PSMA5: variants seen among roughly 807,000 people sequenced by gnomAD.
PSMA5 encodes proteasome subunit alpha type-5.
In PSMA5, 3 loss-of-function variants were observed where a neutral mutation model predicts 34.5. That is an observed-to-expected ratio of 0.09 (90% CI 0.04 to 0.22). PSMA5 has a LOEUF of 0.22. Among genes scored for constraint, PSMA5 ranks in the 10% least tolerant of loss-of-function variants. The pLI is 1.00. For missense variants in PSMA5, 120 were observed against 286.1 expected (o/e 0.42, Z 4.19); for synonymous variants, 88 against 95.8 (o/e 0.92, Z 0.47).
At position 109,401,030 on chromosome 1, in the gene PSMA5, T is replaced by C. The variant is rs1653494465; in HGVS notation, c.*983A>G. On this transcript the variant is annotated 3_prime_UTR_variant, in exon 9 of 9. Coordinates refer to ENST00000271308, the MANE Select transcript of PSMA5 (RefSeq NM_002790.4). ...TGGGCACACAGCATTAGATTCTTCATCTGTTAAGTAGTGATACTGATACCA... is the reference window on the plus strand; with the variant it reads ...TGGGCACACAGCATTAGATTCTTCACCTGTTAAGTAGTGATACTGATACCA... The C allele has an allele frequency of 6.6e-6, 1 of 152,184 alleles. No homozygotes were observed. Among genetic ancestry groups the C allele is most frequent in the Non-Finnish European group, 1.5e-5 (1 of 68,018 alleles). 9.4% of individuals were successfully genotyped at this position (152,184 alleles called of 1,614,324 possible).
At chr1:109,423,535 C>T (rs1054936906) in intron 1 of PSMA5, among the ~76,000 whole-genome samples, 4 of 152,194 alleles carry the variant, frequency 2.6e-5, no homozygotes, top group Non-Finnish European at 5.9e-5. Context: ...TAACACTTAA[C>T]GTTTTCCAGT....
chr1:109,403,359 C>T (rs1653611609), intron 8 of PSMA5, among the ~76,000 whole-genome samples: 1 of 151,954 alleles, frequency 6.6e-6, no homozygotes, highest in Non-Finnish European at 1.5e-5. Context: ...AACAGTAGCT[C>T]ATGCTTGTAA....
At chr1:109,415,468 GC>G in intron 2 of PSMA5, 105 bp from the exon 3 acceptor site, 1 of 1,246,588 alleles carries the variant, frequency 8.0e-7, no homozygotes, top group Non-Finnish European at 1.1e-6. Context: ...ACTTCAACTG[GC>G]CACATCTTAT....
intron 1 of PSMA5, among the ~76,000 whole-genome samples, chr1:109,423,035 T>C (rs1307379641): frequency 1.3e-5 from 2 of 152,248 alleles, no homozygotes; most frequent in Non-Finnish European, 2.9e-5. Context: ...GTCTCAGCTA[T>C]AAAAGCTTTG....
chr1:109,425,613 A>G (rs1428121234), intron 1 of PSMA5: 1 of 152,236 alleles, frequency 6.6e-6, no homozygotes, highest in Non-Finnish European at 1.5e-5. Flanking sequence ...AACTTAACTG[A>G]CGAAAACAGA....
intron 1 of PSMA5, 106 bp from the exon 2 acceptor site, chr1:109,422,032 A>G (rs1461154141): frequency 9.6e-6 from 6 of 627,218 alleles, no homozygotes; most frequent in Admixed American, 4.2e-5. Flanking sequence ...GAATACGCAC[A>G]TTGTCATTAT....
intron 1 of PSMA5, among the ~76,000 whole-genome samples, chr1:109,424,471 T>C (rs975979990): frequency 7.2e-4 from 110 of 151,902 alleles, no homozygotes; most frequent in Non-Finnish European, 2.2e-4. Flanking sequence ...CCACTGTACC[T>C]GTAAACAATT....
chr1:109,417,271 A>C (rs1380632240), intron 2 of PSMA5, among the ~76,000 whole-genome samples: 1 of 152,244 alleles, frequency 6.6e-6, no homozygotes, highest in African/African-American at 2.4e-5. Flanking sequence ...CACAGCAACA[A>C]AACTTTGAAG....
At chr1:109,421,811 A>G in intron 2 of PSMA5, 49 bp downstream of exon 2, 1 of 1,436,408 alleles carries the variant, frequency 7.0e-7, no homozygotes, top group Non-Finnish European at 9.5e-7. Flanking sequence ...TGCCAGCAAA[A>G]TGTTAGGTAG....
In PSMA5 at chr1:109,401,982, G is replaced by A. The variant is rs1176772928; in HGVS notation, c.*31C>T. On this transcript the variant is annotated 3_prime_UTR_variant, in exon 9 of 9. Coordinates refer to ENST00000271308, the MANE Select transcript of PSMA5 (RefSeq NM_002790.4). ...TAAGGACATTATTAGAACTGAAATT[G>A]TCCCAGAGAAGTTCTGAGGATCAGG... The A allele has an allele frequency of 2.6e-6, 4 of 1,510,806 alleles. No individual in the cohort carries two copies. In the African/African-American group the frequency reaches 5.5e-5, roughly 21 times the overall value. 93.6% of individuals were successfully genotyped at this position (1,510,806 alleles called of 1,614,324 possible).
intron 2 of PSMA5, among the ~76,000 whole-genome samples, chr1:109,417,167 A>C (rs1027695892): frequency 6.6e-6 from 1 of 152,232 alleles, no homozygotes; most frequent in Admixed American, 6.5e-5. Flanking sequence ...CTAAAGACAT[A>C]ACATTAGTTC....
intron 2 of PSMA5, among the ~76,000 whole-genome samples, chr1:109,419,067 C>T (rs924855897): frequency 1.3e-4 from 20 of 151,836 alleles, no homozygotes; most frequent in Admixed American, 1.3e-3. Context: ...GCAGGAGAAT[C>T]GCTTGAACAC....
intron 8 of PSMA5, among the ~76,000 whole-genome samples, chr1:109,408,633 A>G (rs1475014444): frequency 6.6e-6 from 1 of 151,962 alleles, no homozygotes; most frequent in Non-Finnish European, 1.5e-5. Flanking sequence ...CATGTGTACC[A>G]TGCCTTACCT....
chr1:109,409,403 T>G (rs1429024475), intron 8 of PSMA5, among the ~76,000 whole-genome samples: 1 of 152,232 alleles, frequency 6.6e-6, no homozygotes, highest in Non-Finnish European at 1.5e-5. Context: ...GTGATCTGCC[T>G]GCCTTGGCCT....
intron 1 of PSMA5, chr1:109,425,847 C>T (rs1042196669): frequency 6.0e-6 from 1 of 165,356 alleles, no homozygotes; most frequent in Non-Finnish European, 1.3e-5. Context: ...GCTACGACTG[C>T]CTTCGCGCTT....
chr1:109,418,379 C>A (rs1654300507), intron 2 of PSMA5, among the ~76,000 whole-genome samples: 1 of 152,130 alleles, frequency 6.6e-6, no homozygotes, highest in South Asian at 2.1e-4. Flanking sequence ...TGCAGTGGCA[C>A]AATCACGTCT....
intron 8 of PSMA5, among the ~76,000 whole-genome samples, chr1:109,403,858 C>A (rs1315622212): frequency 2.0e-5 from 3 of 152,060 alleles, no homozygotes; most frequent in Non-Finnish European, 4.4e-5. Flanking sequence ...AAAAAAAGTT[C>A]TCCTCTCAAA....
intron 4 of PSMA5, 151 bp downstream of exon 4, chr1:109,412,917 G>A: frequency 1.6e-6 from 1 of 627,244 alleles, no homozygotes. Context: ...CCAAGCCCCA[G>A]GAAGTTCTAA....
chr1:109,407,073 C>T (rs994133393), intron 8 of PSMA5, among the ~76,000 whole-genome samples: 21 of 152,222 alleles, frequency 1.4e-4, no homozygotes, highest in African/African-American at 4.3e-4. Flanking sequence ...CTGCAAGCTC[C>T]GCCTCACGGG....
Sources: gnomAD v4.1 joint callset for allele counts (sites outside exome capture counted in the v4.1 genomes callset) on GRCh38, gnomAD v4.1.1 for gene constraint, MANE v1.5 for transcripts, NCBI Gene and HGNC (gene_info 2026-07-23, HGNC 2026-07-21) for gene names.